Variants in ERC1 observed in about 807,000 individuals in gnomAD.
ERC1 encodes ELKS/RAB6-interacting/CAST family member 1, also known as RAB6 interacting protein 2.
Under a neutral mutation model 132.0 loss-of-function variants are expected in ERC1, and 56 were observed. That is an observed-to-expected ratio of 0.42 (90% CI 0.34 to 0.53). The LOEUF (loss-of-function observed/expected upper bound fraction) is 0.53. ERC1 is among the 20% of genes least tolerant of loss of function. ERC1 has a pLI of 0.03. For synonymous variants in ERC1, 478 were observed against 476.1 expected (o/e 1.00, Z -0.05); for missense variants, 1,202 against 1,349.9 (o/e 0.89, Z 1.72).
intron 1 of ERC1, among the ~76,000 whole-genome samples, chr12:992,110 A>G (rs953320546): frequency 5.3e-5 from 8 of 152,120 alleles, no homozygotes; most frequent in Non-Finnish European, 2.9e-5. Context: ...TCGTTCCGGC[A>G]GCCACCATTT....
intron 8 of ERC1, among the ~76,000 whole-genome samples, chr12:1,144,638 G>GTATATATATATA (rs1417729876): frequency 7.2e-6 from 1 of 139,732 alleles, no homozygotes; most frequent in Non-Finnish European, 1.5e-5. Context: ...ATATATACGT[G>GTATATATATATA]TATATATATA....
At chr12:1,237,173 G>C (rs1054512710) in intron 13 of ERC1, among the ~76,000 whole-genome samples, 2 of 152,148 alleles carry the variant, frequency 1.3e-5, no homozygotes, top group Non-Finnish European at 2.9e-5. Context: ...TTCAATGACA[G>C]TTTAATGAGT....
At chr12:1,060,517 T>A (rs1224725831) in intron 2 of ERC1, among the ~76,000 whole-genome samples, 1 of 152,172 alleles carries the variant, frequency 6.6e-6, no homozygotes, top group Non-Finnish European at 1.5e-5. Flanking sequence ...CATCATTTTT[T>A]ACGGCTGCAT....
intron 18 of ERC1, among the ~76,000 whole-genome samples, chr12:1,466,121 G>A (rs115670130): frequency 0.01 from 1,581 of 152,250 alleles, 28 homozygotes; most frequent in African/African-American, 0.036. Flanking sequence ...ACCACAGACC[G>A]CGTGGCTTAA....
chr12:1,011,729 TTCAAGACCAGCCTGGCTGG>T (rs1448704453), intron 1 of ERC1, among the ~76,000 whole-genome samples: 2 of 152,126 alleles, frequency 1.3e-5, no homozygotes, highest in Non-Finnish European at 2.9e-5. Flanking sequence ...AGGTCAGTAG[TTCAAGACCAGCCTGGCTGG>T]TTAGCCTAGC....
intron 15 of ERC1, among the ~76,000 whole-genome samples, chr12:1,337,721 G>A (rs117311096): frequency 0.035 from 5,380 of 152,310 alleles, 118 homozygotes; most frequent in South Asian, 0.087. Context: ...AGGAGCTCTT[G>A]TAAGGCAGGT....
At chr12:1,270,603 T>G (rs115502792) in intron 14 of ERC1, among the ~76,000 whole-genome samples, 2,172 of 151,966 alleles carry the variant, frequency 0.014, 44 homozygotes, top group African/African-American at 0.05. Flanking sequence ...GATAATATGT[T>G]TAATAAGATA....
At chr12:1,417,705 C>T (rs1284372248) in intron 17 of ERC1, among the ~76,000 whole-genome samples, 1 of 148,426 alleles carries the variant, frequency 6.7e-6, no homozygotes, top group Non-Finnish European at 1.5e-5. Context: ...CACTTTAACG[C>T]AGGAGACAAA....
chr12:1,424,688 A>G (rs996439082), intron 17 of ERC1, among the ~76,000 whole-genome samples: 4 of 152,254 alleles, frequency 2.6e-5, no homozygotes, highest in African/African-American at 7.2e-5. Context: ...TAAACAAACT[A>G]AAAATGGTTT....
At chr12:1,429,033 A>T (rs1360566479) in intron 17 of ERC1, among the ~76,000 whole-genome samples, 2 of 152,228 alleles carry the variant, frequency 1.3e-5, no homozygotes, top group African/African-American at 4.8e-5. Flanking sequence ...CAATATTCAA[A>T]ACAGATGGCT....
intron 15 of ERC1, among the ~76,000 whole-genome samples, chr12:1,314,835 G>C (rs1174107608): frequency 6.6e-6 from 1 of 152,034 alleles, no homozygotes; most frequent in Non-Finnish European, 1.5e-5. Context: ...GTTTCAATCT[G>C]TCTGTCCATT....
Position 1,182,077 on chromosome 12 carries a change from C to A in ERC1, c.2016+12C>A. 2 of 1,611,374 alleles carry A rather than the reference C, an allele frequency of 1.2e-6. No individual in the cohort carries two copies. Among genetic ancestry groups the A allele is most frequent in the Non-Finnish European group, 8.5e-7 (1 of 1,178,610 alleles). ...TTTCAGAGAAAGAGGTTAAGCTCCCCAAAATGGAATTAGTTTGTTTGCTTA... is the reference window on the plus strand; with the variant it reads ...TTTCAGAGAAAGAGGTTAAGCTCCCAAAAATGGAATTAGTTTGTTTGCTTA... On this transcript the variant is annotated intron_variant, in intron 10 of 18. Transcript: ENST00000360905.
intron 3 of ERC1, among the ~76,000 whole-genome samples, chr12:1,094,998 A>AG (rs1241953745): frequency 6.6e-6 from 1 of 152,108 alleles, no homozygotes; most frequent in Admixed American, 6.5e-5. Context: ...AAGGGTGCTG[A>AG]GGGCTAAGAC....
rs1944116599 is a variant in ERC1, at chr12:1,096,988, T to C, written c.1087-7762T>C. ...TTGTTATCTTGTATTATATGTTAAA[T>C]TAATATCATTCCTAGGTATCATCCC... On this transcript the variant is annotated intron_variant, in intron 3 of 18. Transcript: ENST00000360905. 3.3e-5 allele frequency among the ~76,000 whole-genome samples: 5 copies of C among 152,366 alleles called. No homozygotes were observed. In the South Asian group the frequency reaches 1.0e-3, roughly 32 times the overall value.
At chr12:1,036,708 T>A (rs147467036) in intron 2 of ERC1, among the ~76,000 whole-genome samples, 1 of 152,334 alleles carries the variant, frequency 6.6e-6, no homozygotes, top group African/African-American at 2.4e-5. Context: ...TTGCTAGTTG[T>A]TTCACTGTCA....
At chr12:1,188,133 T>C (rs963208376) in intron 11 of ERC1, among the ~76,000 whole-genome samples, 2 of 152,202 alleles carry the variant, frequency 1.3e-5, no homozygotes, top group Admixed American at 6.5e-5. Flanking sequence ...GCCTTCACTT[T>C]TGTTTACACA....
chr12:1,097,839 C>T (rs750818417), intron 3 of ERC1, among the ~76,000 whole-genome samples: 85 of 152,022 alleles, frequency 5.6e-4, no homozygotes, highest in Admixed American at 8.5e-4. Context: ...CTCAGCCTCC[C>T]GAGTAGCTGG....
rs764855629 is a variant in ERC1 at position 1,190,084 on chromosome 12, G to A, written c.2351+32G>A. 6 of 1,561,636 alleles carry A rather than the reference G, an allele frequency of 3.8e-6. No homozygotes were observed. The African/African-American group carries it at 8.1e-5, about 21-fold the overall frequency. The stretch of plus-strand genomic sequence containing the variant: ...AAGTGAAGCTGATTGGGGCTTATGA[G>A]GTTAAAGTATGGTTTTAAAAGTATG... On this transcript the variant is annotated intron_variant, in intron 12 of 18. Coordinates refer to ENST00000360905, the MANE Select transcript of ERC1 (RefSeq NM_178040.4).
intron 7 of ERC1, among the ~76,000 whole-genome samples, chr12:1,134,450 G>A (rs894248398): frequency 6.6e-6 from 1 of 151,426 alleles, no homozygotes; most frequent in African/African-American, 2.4e-5. Context: ...GGGCTCAAGC[G>A]ATCTTCCTGC....
Sources: gnomAD v4.1 joint callset for allele counts (sites outside exome capture counted in the v4.1 genomes callset) on GRCh38, gnomAD v4.1.1 for gene constraint, MANE v1.5 for transcripts, NCBI Gene and HGNC (gene_info 2026-07-23, HGNC 2026-07-21) for gene names.